Variants in ATP6V1A observed in about 807,000 individuals in gnomAD.
ATP6V1A encodes the protein V-type proton ATPase catalytic subunit A.
In ATP6V1A, 18 loss-of-function variants were observed where a neutral mutation model predicts 70.1. The observed-to-expected ratio is 0.26, with a 90% CI of 0.18 to 0.38. The LOEUF (loss-of-function observed/expected upper bound fraction) is 0.38. Among genes scored for constraint, ATP6V1A ranks in the 10% least tolerant of loss-of-function variants. The probability of loss-of-function intolerance (pLI) is 1.00; values close to 1 mark genes in which losing one functional copy is unlikely to be tolerated. For missense variants in ATP6V1A, 424 were observed against 772.4 expected (o/e 0.55, Z 5.35); for synonymous variants, 232 against 253.8 (o/e 0.91, Z 0.82).
intron 1 of ATP6V1A, among the ~76,000 whole-genome samples, chr3:113,775,054 G>A (rs1026459964): frequency 3.3e-5 from 5 of 152,124 alleles, no homozygotes; most frequent in Non-Finnish European, 7.3e-5. Context: ...CATACTTTGT[G>A]TGGCTATAGT....
intron 8 of ATP6V1A, 36 bp from the exon 9 acceptor site, chr3:113,794,836 G>A: frequency 6.3e-7 from 1 of 1,583,198 alleles, no homozygotes; most frequent in Non-Finnish European, 8.6e-7. Context: ...TTATATGCTA[G>A]CATTGTAACT....
rs140589424 is a variant in ATP6V1A, at chr3:113,780,647, A to G, written c.83-403A>G. 41 of 792,334 alleles carry G rather than the reference A, an allele frequency of 5.2e-5. No individual in the cohort carries two copies. The African/African-American group carries it at 6.2e-4, about 12-fold the overall frequency. The allele number at this position is 792,334 out of a possible 1,614,324, so 49.1% of individuals were successfully genotyped here. ...GAAATGGTAACAGCACAGCGAAGTG[A>G]TAATTGTGTGGCATTCTACCATACT... is the stretch of plus-strand genomic sequence containing the variant. On this transcript the variant is annotated intron_variant, in intron 2 of 14. Coordinates refer to ENST00000273398, the MANE Select transcript of ATP6V1A (RefSeq NM_001690.4).
chr3:113,809,082 C>T (rs556854430), intron 14 of ATP6V1A, among the ~76,000 whole-genome samples: 1 of 146,010 alleles, frequency 6.8e-6, no homozygotes, highest in Non-Finnish European at 1.5e-5. Context: ...AAACCTGTCT[C>T]TACTAAAAAT....
chr3:113,795,173 G>C lies in ATP6V1A; in HGVS notation c.1195G>C (p.Glu399Gln). Residue 399 changes from glutamate (E) to glutamine (Q), a missense_variant, in exon 10 of 15, where the codon GAA becomes CAA. Coordinates refer to ENST00000273398, the MANE Select transcript of ATP6V1A (RefSeq NM_001690.4). ...CAGGGTGAAATGTCTTGGAAATCCT[G>C]AAAGAGAAGGGAGTGTCAGCATTGT... The part of the protein sequence containing the change: ...AGRVKCLGNP[E>Q]REGSVSIVGA... 6.2e-7 allele frequency: 1 copy of C among 1,614,116 alleles called. No individual in the cohort carries two copies. The highest frequency in any genetic ancestry group is 1.1e-5 in the South Asian group (1 of 91,080).
intron 6 of ATP6V1A, 31 bp downstream of exon 6, chr3:113,786,414 C>G (rs1709040854): frequency 6.2e-7 from 1 of 1,608,980 alleles, no homozygotes. Flanking sequence ...ACGATTTTCC[C>G]TCAGAGTTAT....
At chr3:113,781,624 A>G (rs1401712121) in intron 3 of ATP6V1A, among the ~76,000 whole-genome samples, 1 of 152,212 alleles carries the variant, frequency 6.6e-6, no homozygotes, top group Non-Finnish European at 1.5e-5. Flanking sequence ...AAGAGACCTG[A>G]ATTATGCAGG....
chr3:113,768,691 G>C (rs1437018498), intron 1 of ATP6V1A, among the ~76,000 whole-genome samples: 1 of 147,500 alleles, frequency 6.8e-6, no homozygotes, highest in Middle Eastern at 3.4e-3. Flanking sequence ...TGCCTTCCAC[G>C]TTCAAGTGAT....
intron 14 of ATP6V1A, among the ~76,000 whole-genome samples, chr3:113,806,973 T>A (rs1026700212): frequency 7.9e-5 from 12 of 151,950 alleles, no homozygotes; most frequent in Non-Finnish European, 1.5e-4. Flanking sequence ...AATATAAAAA[T>A]TTTTAAATTA....
At chr3:113,801,714 A>G (rs187944932) in intron 12 of ATP6V1A, among the ~76,000 whole-genome samples, 12 of 152,326 alleles carry the variant, frequency 7.9e-5, no homozygotes, top group Non-Finnish European at 7.3e-5. Flanking sequence ...GAGAGCTGGA[A>G]GCAGCAGACC....
rs554741082 is a variant in ATP6V1A, at chr3:113,774,223, C to G, written c.-13-4518C>G. Among the ~76,000 whole-genome samples, 5 of 152,192 alleles carry G rather than the reference C, an allele frequency of 3.3e-5. No homozygotes were observed. In the South Asian group the frequency reaches 1.0e-3, roughly 32 times the overall value. On this transcript the variant is annotated intron_variant, in intron 1 of 14. Coordinates refer to ENST00000273398, the MANE Select transcript of ATP6V1A (RefSeq NM_001690.4). ...ATTCTCTGAACTCCAAAAAAACTAG[C>G]TAAGAGACTAGATTTGGTTCAAGAT...
Position 113,774,234 on chromosome 3 carries a change from G to C in ATP6V1A, c.-13-4507G>C, listed in dbSNP as rs116316660. Among the ~76,000 whole-genome samples the C allele has an allele frequency of 5.0e-3, 756 of 152,262 alleles. 6 individuals carry two copies. Among genetic ancestry groups the C allele is most frequent in the African/African-American group, 0.017 (720 of 41,546 alleles). On this transcript the variant is annotated intron_variant, in intron 1 of 14. Coordinates refer to ENST00000273398, the MANE Select transcript of ATP6V1A (RefSeq NM_001690.4). ...TCCAAAAAAACTAGCTAAGAGACTA[G>C]ATTTGGTTCAAGATAAGAACAACTA...
intron 1 of ATP6V1A, among the ~76,000 whole-genome samples, chr3:113,770,963 C>T (rs754921637): frequency 5.2e-4 from 79 of 151,730 alleles, no homozygotes; most frequent in Admixed American, 1.8e-3. Flanking sequence ...GGTGTGGGGG[C>T]GCATGCCTGT....
chr3:113,802,481 AC>A (rs745405896), intron 12 of ATP6V1A, among the ~76,000 whole-genome samples: 9 of 151,040 alleles, frequency 6.0e-5, no homozygotes, highest in Non-Finnish European at 1.0e-4. Context: ...CAGGCGCCCT[AC>A]CACACCTAGC....
intron 1 of ATP6V1A, among the ~76,000 whole-genome samples, chr3:113,755,134 G>A (rs1004417943): frequency 1.3e-5 from 2 of 152,164 alleles, no homozygotes; most frequent in East Asian, 3.8e-4. Context: ...AAACCAGACT[G>A]TGTGAGTCAA....
At chr3:113,795,276 C>T (rs545832778) in intron 10 of ATP6V1A, 72 bp downstream of exon 10, 5 of 1,487,566 alleles carry the variant, frequency 3.4e-6, no homozygotes, top group African/African-American at 1.4e-5. Context: ...AAAAAAGTCA[C>T]TTATTTTAAA....
chr3:113,788,021 A>G (rs545165308), intron 6 of ATP6V1A, among the ~76,000 whole-genome samples: 2 of 152,296 alleles, frequency 1.3e-5, no homozygotes, highest in African/African-American at 4.8e-5. Context: ...CCAGGACTCC[A>G]GTTATCCTCC....
chr3:113,771,784 A>G (rs1708844112), intron 1 of ATP6V1A, among the ~76,000 whole-genome samples: 1 of 151,952 alleles, frequency 6.6e-6, no homozygotes, highest in African/African-American at 2.4e-5. Context: ...TGGATACATA[A>G]GTGTATATAT....
intron 5 of ATP6V1A, 101 bp from the exon 6 acceptor site, chr3:113,786,131 G>A (rs1709037557): frequency 2.9e-6 from 3 of 1,021,048 alleles, no homozygotes; most frequent in South Asian, 5.1e-5. Flanking sequence ...GCACTTACAT[G>A]TATCACCTTC....
intron 1 of ATP6V1A, among the ~76,000 whole-genome samples, chr3:113,759,864 G>A (rs1223755466): frequency 6.6e-6 from 1 of 152,176 alleles, no homozygotes; most frequent in Non-Finnish European, 1.5e-5. Flanking sequence ...ATGTGCCAAG[G>A]CATTTTACTG....
Sources: allele counts gnomAD v4.1 joint callset (sites outside exome capture counted in the v4.1 genomes callset), GRCh38; gene constraint gnomAD v4.1.1; transcripts MANE v1.5; gene names NCBI Gene and HGNC (gene_info 2026-07-23, HGNC 2026-07-21).